KIZ: variants seen among roughly 807,000 people sequenced by gnomAD.
KIZ encodes kizuna centrosomal protein.
KIZ carries 68 observed loss-of-function variants against 79.6 expected under a neutral mutation model. The ratio of observed to expected loss-of-function variants is 0.85; its 90% CI spans 0.70 to 1.05. The LOEUF (loss-of-function observed/expected upper bound fraction) is 1.05. Among genes scored for constraint, KIZ ranks in the 50% least tolerant of loss-of-function variants. The pLI is 0.00. For missense variants in KIZ, 797 were observed against 800.4 expected (o/e 1.00, Z 0.05); for synonymous variants, 280 against 281.8 (o/e 0.99, Z 0.06).
intron 1 of KIZ, among the ~76,000 whole-genome samples, chr20:21,126,706 A>G (rs2031499079): frequency 6.6e-6 from 1 of 152,194 alleles, no homozygotes; most frequent in South Asian, 2.1e-4. Context: ...TTTTAGGGGT[A>G]GCGAGGGCTG....
chr20:21,163,588 G>A (rs2033798044), intron 6 of KIZ, among the ~76,000 whole-genome samples: 1 of 152,068 alleles, frequency 6.6e-6, no homozygotes, highest in Non-Finnish European at 1.5e-5. Context: ...TAATTAATTT[G>A]CTTAATCCTT....
intron 6 of KIZ, among the ~76,000 whole-genome samples, chr20:21,199,795 G>T (rs772399638): frequency 1.3e-5 from 2 of 152,130 alleles, no homozygotes; most frequent in Non-Finnish European, 2.9e-5. Context: ...TTCTTTAATG[G>T]TTAATAACTC....
Position 21,205,579 on chromosome 20 carries a change from GAA to G in KIZ, c.1442_1443del (p.Glu481GlyfsTer17). 1 of 1,454,942 alleles carries G rather than the reference GAA, an allele frequency of 6.9e-7. No homozygotes were observed. The highest frequency in any genetic ancestry group is 9.5e-7 in the Non-Finnish European group (1 of 1,052,154). 90.1% of individuals were successfully genotyped at this position (1,454,942 alleles called of 1,614,324 possible). A position where few individuals can be genotyped will look rare whatever the true frequency, so the allele number is the denominator to read the frequency against. ...GAAAGAACATGATAATTCTGTCAAA[GAA>G]GAGGTAGGTAGCTAAACTGTCTGAA... ...TLKEHDNSVKEEATALLRKAL... is the reference protein window; with the variant it reads ...TLKEHDNSVKXEATALLRKAL... On this transcript the variant is annotated frameshift_variant, in exon 7 of 13. Coordinates refer to ENST00000619189, the MANE Select transcript of KIZ (RefSeq NM_018474.6). LOFTEE classifies it high-confidence loss of function.
intron 11 of KIZ, among the ~76,000 whole-genome samples, chr20:21,242,040 A>G (rs775018016): frequency 3.3e-5 from 5 of 152,220 alleles, no homozygotes; most frequent in Non-Finnish European, 5.9e-5. Flanking sequence ...TCGCTTGTTC[A>G]TTCCAAGTGA....
chr20:21,220,457 C>T (rs2036466479), intron 9 of KIZ, among the ~76,000 whole-genome samples: 2 of 151,950 alleles, frequency 1.3e-5, no homozygotes, highest in African/African-American at 2.4e-5. Context: ...ACTGCCCTGC[C>T]TCTTTTATTT....
At chr20:21,178,746 C>A (rs2034534191) in intron 6 of KIZ, among the ~76,000 whole-genome samples, 1 of 151,990 alleles carries the variant, frequency 6.6e-6, no homozygotes, top group South Asian at 2.1e-4. Context: ...GTAATTTCAT[C>A]CTATGTCTAG....
At chr20:21,227,080 C>G (rs2036680793) in intron 9 of KIZ, among the ~76,000 whole-genome samples, 1 of 152,192 alleles carries the variant, frequency 6.6e-6, no homozygotes, top group African/African-American at 2.4e-5. Flanking sequence ...TCCCTTGTTG[C>G]TAGAAGTGAT....
At chr20:21,227,985 G>A (rs979668528) in intron 9 of KIZ, among the ~76,000 whole-genome samples, 5 of 152,136 alleles carry the variant, frequency 3.3e-5, no homozygotes, top group African/African-American at 1.2e-4. Flanking sequence ...ATATTCCAAA[G>A]TATAATGTTC....
chr20:21,132,026 G>A (rs1053045252), intron 1 of KIZ, 71 bp from the exon 2 acceptor site: 14 of 708,868 alleles, frequency 2.0e-5, no homozygotes, highest in Non-Finnish European at 3.4e-5. Context: ...TTATTTCAAA[G>A]AAGAGCATGG....
intron 4 of KIZ, among the ~76,000 whole-genome samples, chr20:21,152,815 TC>T (rs887704020): frequency 1.3e-5 from 2 of 152,192 alleles, no homozygotes; most frequent in African/African-American, 4.8e-5. Flanking sequence ...CTCTTACTCT[TC>T]CATTTACCCC....
chr20:21,191,462 G>A (rs995138094), intron 6 of KIZ, among the ~76,000 whole-genome samples: 1 of 152,222 alleles, frequency 6.6e-6, no homozygotes, highest in Non-Finnish European at 1.5e-5. Flanking sequence ...GTTGTTTTGA[G>A]TCTATGGCGA....
intron 11 of KIZ, among the ~76,000 whole-genome samples, chr20:21,234,258 T>C (rs1185831124): frequency 6.6e-6 from 1 of 152,110 alleles, no homozygotes; most frequent in Non-Finnish European, 1.5e-5. Context: ...CTCCTTCAAA[T>C]TGAGACAGAG....
intron 4 of KIZ, among the ~76,000 whole-genome samples, chr20:21,153,204 C>T (rs553435717): frequency 6.6e-6 from 1 of 152,286 alleles, no homozygotes; most frequent in Admixed American, 6.5e-5. Context: ...ATGTTCCCTG[C>T]TCTTGATGCC....
chr20:21,148,921 A>C (rs2032980389), intron 4 of KIZ: 1 of 152,250 alleles, frequency 6.6e-6, no homozygotes, highest in African/African-American at 2.4e-5. Context: ...TGCAAGGATC[A>C]GGTGGGAGAA....
intron 2 of KIZ, among the ~76,000 whole-genome samples, chr20:21,135,295 C>T (rs959105868): frequency 6.6e-6 from 1 of 152,192 alleles, no homozygotes; most frequent in African/African-American, 2.4e-5. Flanking sequence ...ACACCACCAG[C>T]AGCAGCTTTA....
intron 7 of KIZ, among the ~76,000 whole-genome samples, chr20:21,213,236 A>T (rs1343552362): frequency 6.6e-6 from 1 of 152,222 alleles, no homozygotes; most frequent in Non-Finnish European, 1.5e-5. Flanking sequence ...CAGACCTTCC[A>T]TCCAGACCTT....
chr20:21,181,736 GA>G (rs1436894474), intron 6 of KIZ, among the ~76,000 whole-genome samples: 2 of 152,198 alleles, frequency 1.3e-5, no homozygotes, highest in African/African-American at 4.8e-5. Flanking sequence ...TGGGATTACA[GA>G]TGTGAGCCAC....
At chr20:21,172,482 G>T (rs2034252954) in intron 6 of KIZ, among the ~76,000 whole-genome samples, 1 of 152,148 alleles carries the variant, frequency 6.6e-6, no homozygotes, top group Admixed American at 6.6e-5. Context: ...GCGCACGCTT[G>T]AGCTATTTGG....
Position 21,162,435 on chromosome 20 carries a change from C to A in KIZ, c.970C>A (p.Pro324Thr). 1 of 1,612,794 alleles carries A rather than the reference C, an allele frequency of 6.2e-7. No homozygotes were observed. Among genetic ancestry groups the A allele is most frequent in the Non-Finnish European group, 8.5e-7 (1 of 1,178,962 alleles). Residue 324 changes from proline (P) to threonine (T), a missense_variant, in exon 5 of 13, where the codon CCA (proline) becomes ACA (threonine). By Grantham distance (38) the Pro-to-Thr change is conservative (BLOSUM62 -1). Coordinates refer to ENST00000619189, the MANE Select transcript of KIZ (RefSeq NM_018474.6). ...AGCCAGCCCGCCAGTCTCTCCGATA[C>A]CAGTTTCAGAATACTGTGAATCTGA... Reference protein sequence around the residue: ...KRASPPVSPIPVSEYCESENK... With the variant: ...KRASPPVSPITVSEYCESENK...
Sources: gnomAD v4.1 joint callset for allele counts (sites outside exome capture counted in the v4.1 genomes callset) on GRCh38, gnomAD v4.1.1 for gene constraint, MANE v1.5 for transcripts, NCBI Gene and HGNC (gene_info 2026-07-23, HGNC 2026-07-21) for gene names.